Variants in ZNF362 observed in about 807,000 individuals in gnomAD.
ZNF362 encodes the protein rotund homolog.
In ZNF362, 11 loss-of-function variants were observed where a neutral mutation model predicts 42.9. The ratio of observed to expected loss-of-function variants is 0.26; its 90% CI spans 0.16 to 0.42. The LOEUF (loss-of-function observed/expected upper bound fraction) is 0.42, where lower values mean the gene tolerates loss of function less well. Ranked by LOEUF, ZNF362 falls within the 20% of genes least tolerant of loss-of-function variation. The probability of loss-of-function intolerance (pLI) is 1.00; values close to 1 mark genes in which losing one functional copy is unlikely to be tolerated. For synonymous variants in ZNF362, 255 were observed against 257.3 expected (o/e 0.99, Z 0.09); for missense variants, 362 against 576.2 (o/e 0.63, Z 3.81).
At chr1:33,181,030 G>T in the ZNF362 span, 2 of 1,578,364 alleles carry the variant, frequency 1.3e-6, no homozygotes, top group Admixed American at 3.4e-5. This position sits in a 1 kb window ranked among gnomAD's most constrained non-coding sequence, Gnocchi z 6.5. Flanking sequence ...CGCACCTGCA[G>T]CTCGTCGAAG....
the ZNF362 span, among the ~76,000 whole-genome samples, chr1:33,177,491 G>A: frequency 7.9e-5 from 12 of 152,146 alleles, no homozygotes; most frequent in African/African-American, 2.9e-4. The surrounding 1 kb of genome is among the most constrained non-coding windows in gnomAD (Gnocchi z 4.1). Flanking sequence ...ATGTAATCTG[G>A]AGTACAAAGC....
chr1:33,191,192 A>G, the ZNF362 span, among the ~76,000 whole-genome samples: 1 of 152,212 alleles, frequency 6.6e-6, no homozygotes, highest in African/African-American at 2.4e-5. Flanking sequence ...ATAATTTTAT[A>G]CCTACTTAAG....
chr1:33,172,559 C>A, the ZNF362 span, among the ~76,000 whole-genome samples: 150,372 of 152,118 alleles, frequency 0.99, 74,344 homozygotes, highest in Middle Eastern at 1. Context: ...GGGGGTGGGC[C>A]GGGCAGGATG....
In ZNF362 at chr1:33,259,232, G is replaced by A. The variant is rs576738864; in HGVS notation, c.-89+2578G>A. On this transcript the variant is annotated intron_variant, in intron 1 of 8. Coordinates refer to ENST00000539719, the MANE Select transcript of ZNF362 (RefSeq NM_152493.3). ...CCCTCTACCCATTGCCAGGCTGCACGGGCCCCAGGATGGCAGGAATTGCTA... is the reference window on the plus strand; with the variant it reads ...CCCTCTACCCATTGCCAGGCTGCACAGGCCCCAGGATGGCAGGAATTGCTA... 7.2e-5 allele frequency among the ~76,000 whole-genome samples: 11 copies of A among 152,286 alleles called. No individual in the cohort carries two copies. The East Asian group carries it at 1.5e-3, about 21-fold the overall frequency.
intron 2 of ZNF362, chr1:33,275,233 T>G (rs148887559): frequency 1.6e-5 from 16 of 985,416 alleles, no homozygotes; most frequent in Non-Finnish European, 1.9e-5. Flanking sequence ...AAGACAAACC[T>G]TCTGGAAGAC....
chr1:33,218,258 T>C, the ZNF362 span, among the ~76,000 whole-genome samples: 2 of 152,076 alleles, frequency 1.3e-5, no homozygotes, highest in African/African-American at 4.8e-5. Flanking sequence ...CTGGGCAACA[T>C]AGGGAGATAC....
chr1:33,206,675 G>A, the ZNF362 span, among the ~76,000 whole-genome samples: 11 of 152,216 alleles, frequency 7.2e-5, 1 homozygote, highest in Admixed American at 3.9e-4. Flanking sequence ...AAAAATATTT[G>A]CATATCACAT....
At chr1:33,254,432 C>T (rs1158208641), upstream of ZNF362, among the ~76,000 whole-genome samples, 1 of 152,078 alleles carries the variant, frequency 6.6e-6, no homozygotes, top group Non-Finnish European at 1.5e-5. Context: ...TGTCTTTAGG[C>T]TCCTCTCTGG....
At chr1:33,233,233 C>T in the ZNF362 span, among the ~76,000 whole-genome samples, 2 of 152,200 alleles carry the variant, frequency 1.3e-5, no homozygotes, top group Non-Finnish European at 2.9e-5. Context: ...GCTCCTTCTG[C>T]CTAAGATAGT....
the ZNF362 span, chr1:33,145,503 GA>G: frequency 6.3e-6 from 1 of 159,588 alleles, no homozygotes; most frequent in East Asian, 1.9e-4. Context: ...TCTGGTAGTT[GA>G]AGGGTTGGGG....
At chr1:33,256,903 A>AGT (rs1645796231) in intron 1 of ZNF362, among the ~76,000 whole-genome samples, 1 of 148,754 alleles carries the variant, frequency 6.7e-6, no homozygotes, top group Non-Finnish European at 1.5e-5. Flanking sequence ...CTGGTCTCCG[A>AGT]GTGTGTGTGC....
the ZNF362 span, among the ~76,000 whole-genome samples, chr1:33,137,550 C>T: frequency 6.6e-6 from 1 of 152,052 alleles, no homozygotes; most frequent in East Asian, 1.9e-4. Flanking sequence ...GGCTTAGAAA[C>T]CACCTGGCTA....
At chr1:33,134,114 C>T in the ZNF362 span, among the ~76,000 whole-genome samples, 1 of 152,250 alleles carries the variant, frequency 6.6e-6, no homozygotes. Flanking sequence ...TGCTTCCCCA[C>T]AAGCATGCTC....
chr1:33,247,798 C>T, the ZNF362 span, among the ~76,000 whole-genome samples: 22 of 152,312 alleles, frequency 1.4e-4, no homozygotes, highest in East Asian at 5.8e-4. Context: ...TTACTGTCAT[C>T]GGCCTCGCTT....
At chr1:33,168,938 C>T in the ZNF362 span, among the ~76,000 whole-genome samples, 1 of 152,172 alleles carries the variant, frequency 6.6e-6, no homozygotes, top group Non-Finnish European at 1.5e-5. Flanking sequence ...TTGCTCAGGG[C>T]ACTTGAGAAA....
At chr1:33,171,891 C>T in the ZNF362 span, among the ~76,000 whole-genome samples, 7 of 152,144 alleles carry the variant, frequency 4.6e-5, no homozygotes, top group Non-Finnish European at 1.0e-4. Context: ...AAGTGATACT[C>T]CTGCCTCAGC....
At chr1:33,187,554 C>T in the ZNF362 span, among the ~76,000 whole-genome samples, 1 of 152,216 alleles carries the variant, frequency 6.6e-6, no homozygotes, top group South Asian at 2.1e-4. Flanking sequence ...GTAACTGATG[C>T]TCAGCTTCCG....
chr1:33,184,040 T>C, the ZNF362 span, among the ~76,000 whole-genome samples: 1 of 46,138 alleles, frequency 2.2e-5, no homozygotes, highest in Non-Finnish European at 4.4e-5. Flanking sequence ...TGAAATGAAA[T>C]GAAAAAAAAA....
the ZNF362 span, among the ~76,000 whole-genome samples, chr1:33,235,678 G>A: frequency 2.0e-5 from 3 of 152,160 alleles, no homozygotes. Flanking sequence ...TTTATAGCCC[G>A]GAAGCAGGGT....
Sources: gnomAD v4.1 joint callset for allele counts (sites outside exome capture counted in the v4.1 genomes callset) on GRCh38, gnomAD v4.1.1 for gene constraint, Gnocchi (gnomAD v3.1) non-coding constraint, MANE v1.5 for transcripts, NCBI Gene and HGNC (gene_info 2026-07-23, HGNC 2026-07-21) for gene names.